The following ASF1A variants were observed in gnomAD, a reference collection of about 807,000 sequenced individuals.
ASF1A encodes the protein anti-silencing function 1A histone chaperone.
A neutral mutation model predicts 22.0 loss-of-function variants in ASF1A; 5 were observed. The observed-to-expected ratio is 0.23, with a 90% CI of 0.12 to 0.48. The LOEUF (loss-of-function observed/expected upper bound fraction) is 0.48, where lower values mean the gene tolerates loss of function less well. Among genes scored for constraint, ASF1A ranks in the 20% least tolerant of loss-of-function variants. The probability of loss-of-function intolerance (pLI) is 0.99; values close to 1 mark genes in which losing one functional copy is unlikely to be tolerated. For missense variants in ASF1A, 137 were observed against 240.6 expected (o/e 0.57, Z 2.85); for synonymous variants, 97 against 86.7 (o/e 1.12, Z -0.66).
At chr6:118,894,594 C>T (rs2114479473) in intron 1 of ASF1A, 72 bp downstream of exon 1, 1 of 1,317,302 alleles carries the variant, frequency 7.6e-7, no homozygotes, top group African/African-American at 1.5e-5. Context: ...CGGGCCGGGC[C>T]TCGCGCTGGG....
chr6:118,900,172 G>C (rs1168314622), intron 1 of ASF1A, among the ~76,000 whole-genome samples: 1 of 152,168 alleles, frequency 6.6e-6, no homozygotes, highest in South Asian at 2.1e-4. Flanking sequence ...ACACAGGGGG[G>C]TGCCGTAAGG....
chr6:118,906,913 C>G (rs559877872), intron 3 of ASF1A, among the ~76,000 whole-genome samples: 1 of 152,252 alleles, frequency 6.6e-6, no homozygotes, highest in East Asian at 1.9e-4. Context: ...AATTTGTTAT[C>G]CCTGAAGCAC....
chr6:118,894,212 A>G lies in ASF1A; in HGVS notation c.-202A>G. 1.4e-6 allele frequency: 2 copies of G among 1,404,670 alleles called. No individual in the cohort carries two copies. The highest frequency in any genetic ancestry group is 1.8e-6 in the Non-Finnish European group (2 of 1,082,218). 87.0% of individuals were successfully genotyped at this position (1,404,670 alleles called of 1,614,324 possible). ...TACTTATCAGAGCAGAATGGGCTGT[A>G]GTTTAGTGAAATAGGAAAGCTGCAA... On this transcript the variant is annotated 5_prime_UTR_variant, in exon 1 of 4. Coordinates refer to ENST00000229595, the MANE Select transcript of ASF1A (RefSeq NM_014034.3).
chr6:118,898,992 T>C lies in ASF1A; in HGVS notation c.110-1774T>C, dbSNP rs565193640. Among the ~76,000 whole-genome samples the C allele has an allele frequency of 5.9e-5, 9 of 152,244 alleles. No individual in the cohort carries two copies. The East Asian group carries it at 1.7e-3, about 29-fold the overall frequency. Reference sequence around the variant, plus strand: ...TGCTTAGAAGCAGACATCTCAAATATGTCTAAAATGAACTCCTGATTGCTC... The same window carrying C: ...TGCTTAGAAGCAGACATCTCAAATACGTCTAAAATGAACTCCTGATTGCTC... On this transcript the variant is annotated intron_variant, in intron 1 of 3. Transcript: ENST00000229595.
intron 2 of ASF1A, among the ~76,000 whole-genome samples, chr6:118,903,140 A>G (rs755463017): frequency 5.6e-4 from 85 of 152,246 alleles, no homozygotes; most frequent in Middle Eastern, 6.8e-3. Flanking sequence ...CCTAGAACCA[A>G]TTTACTGAAG....
rs1007486664 is a variant in ASF1A at position 118,894,349 on chromosome 6, C to A, written c.-65C>A. 1.3e-6 allele frequency: 2 copies of A among 1,532,182 alleles called. No homozygotes were observed. The highest frequency in any genetic ancestry group is 1.7e-6 in the Non-Finnish European group (2 of 1,143,186). 94.9% of individuals were successfully genotyped at this position (1,532,182 alleles called of 1,614,324 possible). A position where few individuals can be genotyped will look rare whatever the true frequency, so the allele number is the denominator to read the frequency against. On this transcript the variant is annotated 5_prime_UTR_variant, in exon 1 of 4. Transcript: ENST00000229595. ...GGGGGTCTGCGCTCTCCCGAGCGGCCGCGCGCTGGACTTTATTGTGCCGCA... is the reference window on the plus strand; with the variant it reads ...GGGGGTCTGCGCTCTCCCGAGCGGCAGCGCGCTGGACTTTATTGTGCCGCA...
chr6:118,907,649 TAAA>T lies in ASF1A; in HGVS notation c.*38_*40del. The T allele has an allele frequency of 6.6e-7, 1 of 1,509,320 alleles. No individual in the cohort carries two copies. The highest frequency in any genetic ancestry group is 9.2e-7 in the Non-Finnish European group (1 of 1,087,310). The allele number at this position is 1,509,320 out of a possible 1,614,324, so 93.5% of individuals were successfully genotyped here. A position where few individuals can be genotyped will look rare whatever the true frequency, so the allele number is the denominator to read the frequency against. On this transcript the variant is annotated 3_prime_UTR_variant, in exon 4 of 4. Transcript: ENST00000229595. ...ATCCCTTTAGTACAAATTAAGCTATTAAAAATACACAGAACTATTTCCCTGAAA... is the reference window on the plus strand; with the variant it reads ...ATCCCTTTAGTACAAATTAAGCTATTAATACACAGAACTATTTCCCTGAAA...
chr6:118,905,577 ACTGAAACTCCAGTCTTGC>A, intron 2 of ASF1A, 57 bp from the exon 3 acceptor site: 2 of 1,235,516 alleles, frequency 1.6e-6, no homozygotes, highest in East Asian at 4.9e-5. Context: ...GTTCTAGGTA[ACTGAAACTCCAGTCTTGC>A]CTGCCACTAA....
chr6:118,905,598 G>GC (rs1314075131), intron 2 of ASF1A, 54 bp from the exon 3 acceptor site: 2 of 1,431,976 alleles, frequency 1.4e-6, no homozygotes, highest in East Asian at 2.4e-5. Flanking sequence ...AGTCTTGCCT[G>GC]CCACTAACAG....
rs746757982 is a variant in ASF1A, at chr6:118,905,667, C to T, written c.241C>T (p.Pro81Ser). 6.2e-7 allele frequency: 1 copy of T among 1,612,098 alleles called. No homozygotes were observed. The highest frequency in any genetic ancestry group is 8.5e-7 in the Non-Finnish European group (1 of 1,178,874). ...TTTATTCTAGGCTGATGCACCTAAT[C>T]CAGGACTCATTCCAGATGCAGATGC... ...MFVFQADAPN[P>S]GLIPDADAVG... Residue 81 changes from proline to serine, a missense_variant, in exon 3 of 4, where the codon CCA becomes TCA. Around this residue, in one of 2 missense-constraint regions of ASF1A, gnomAD observed 96 missense variants for 196.7 expected, o/e 0.49. Coordinates refer to ENST00000229595, the MANE Select transcript of ASF1A (RefSeq NM_014034.3).
At position 118,905,278 on chromosome 6, in the gene ASF1A, A is replaced by G. The variant is rs897094570; in HGVS notation, c.226-374A>G. ...CAACAGTCTATGAGGAGATCATTTA[A>G]TACTTACTAATTTAGGTCTGAAAAT... On this transcript the variant is annotated intron_variant, in intron 2 of 3. Coordinates refer to ENST00000229595, the MANE Select transcript of ASF1A (RefSeq NM_014034.3). Among the ~76,000 whole-genome samples the G allele has an allele frequency of 2.6e-5, 4 of 152,236 alleles. No homozygotes were observed. The East Asian group carries it at 5.8e-4, about 22-fold the overall frequency.
rs117779637 is a variant in ASF1A, at chr6:118,902,448, C to T, written c.225+1567C>T. 7.5e-3 allele frequency among the ~76,000 whole-genome samples: 1,147 copies of T among 151,988 alleles called. 8 individuals are homozygous for T. Among genetic ancestry groups the T allele is most frequent in the South Asian group, 0.029 (138 of 4,796 alleles). ...ATAAAAAAGCAGGACTTGCTCTGACCCACAGGCCTAAGGAACCCATACTTT... is the reference window on the plus strand; with the variant it reads ...ATAAAAAAGCAGGACTTGCTCTGACTCACAGGCCTAAGGAACCCATACTTT... On this transcript the variant is annotated intron_variant, in intron 2 of 3. Transcript: ENST00000229595.
chr6:118,898,112 A>G (rs1392150121), intron 1 of ASF1A, among the ~76,000 whole-genome samples: 1 of 152,216 alleles, frequency 6.6e-6, no homozygotes, highest in Non-Finnish European at 1.5e-5. Context: ...ACAGAGGCAT[A>G]GCTTGGATTC....
rs1224316216 is a variant in ASF1A, at chr6:118,909,066, TTC to T, written c.*1454_*1455del. ...TTCATAGATTTTAAAAGTAAAATAC[TTC>T]TGACTGTTAAAACTATATAAAGAAA... On this transcript the variant is annotated 3_prime_UTR_variant, in exon 4 of 4. Transcript: ENST00000229595. 16 of 152,366 alleles carry T rather than the reference TTC, an allele frequency of 1.1e-4. 1 individual carries two copies. The South Asian group carries it at 2.5e-3, about 24-fold the overall frequency. The allele number at this position is 152,366 out of a possible 1,614,324, so 9.4% of individuals were successfully genotyped here. A position where few individuals can be genotyped will look rare whatever the true frequency, so the allele number is the denominator to read the frequency against.
chr6:118,898,559 G>A (rs996503662), intron 1 of ASF1A, among the ~76,000 whole-genome samples: 2 of 151,882 alleles, frequency 1.3e-5, no homozygotes, highest in African/African-American at 4.8e-5. Flanking sequence ...CGAGTAGCTG[G>A]GACCACAGGC....
In ASF1A at chr6:118,907,732, G is replaced by T; in HGVS notation, c.*118G>T. The T allele has an allele frequency of 1.3e-6, 1 of 749,522 alleles. No homozygotes were observed. Among genetic ancestry groups the T allele is most frequent in the Admixed American group, 3.0e-5 (1 of 33,388 alleles). The allele number at this position is 749,522 out of a possible 1,614,324, so 46.4% of individuals were successfully genotyped here. A position where few individuals can be genotyped will look rare whatever the true frequency, so the allele number is the denominator to read the frequency against. On this transcript the variant is annotated 3_prime_UTR_variant, in exon 4 of 4. Coordinates refer to ENST00000229595, the MANE Select transcript of ASF1A (RefSeq NM_014034.3). ...TGAAGAATTTGTTTAAAAACATCCTGTAGAAAGTTTATAAGAAAACCAGTA... is the reference window on the plus strand; with the variant it reads ...TGAAGAATTTGTTTAAAAACATCCTTTAGAAAGTTTATAAGAAAACCAGTA...
rs1779185736 is a variant in ASF1A at position 118,894,286 on chromosome 6, C to T, written c.-128C>T. 3.4e-6 allele frequency: 5 copies of T among 1,470,792 alleles called. No individual in the cohort carries two copies. The highest frequency in any genetic ancestry group is 1.4e-5 in the African/African-American group (1 of 70,342). 91.1% of individuals were successfully genotyped at this position (1,470,792 alleles called of 1,614,324 possible). A position where few individuals can be genotyped will look rare whatever the true frequency, so the allele number is the denominator to read the frequency against. Reference sequence around the variant, plus strand: ...AAATAAAAAGAGGAAAAAAGTTTCTCAAGTCGCCGCTGCACGACGTCTGGC... The same window carrying T: ...AAATAAAAAGAGGAAAAAAGTTTCTTAAGTCGCCGCTGCACGACGTCTGGC... On this transcript the variant is annotated 5_prime_UTR_variant, in exon 1 of 4. Coordinates refer to ENST00000229595, the MANE Select transcript of ASF1A (RefSeq NM_014034.3).
chr6:118,894,201 G>C lies in ASF1A; in HGVS notation c.-213G>C. ...GGCAACGCTGCTACTTATCAGAGCA[G>C]AATGGGCTGTAGTTTAGTGAAATAG... On this transcript the variant is annotated 5_prime_UTR_variant, in exon 1 of 4. Coordinates refer to ENST00000229595, the MANE Select transcript of ASF1A (RefSeq NM_014034.3). 7.2e-7 allele frequency: 1 copy of C among 1,382,442 alleles called. No individual in the cohort carries two copies. The highest frequency in any genetic ancestry group is 9.3e-7 in the Non-Finnish European group (1 of 1,069,642). 85.6% of individuals were successfully genotyped at this position (1,382,442 alleles called of 1,614,324 possible).
chr6:118,907,705 T>C lies in ASF1A; in HGVS notation c.*91T>C. 2 of 973,614 alleles carry C rather than the reference T, an allele frequency of 2.1e-6. No homozygotes were observed. The highest frequency in any genetic ancestry group is 3.1e-6 in the Non-Finnish European group (2 of 653,350). The allele number at this position is 973,614 out of a possible 1,614,324, so 60.3% of individuals were successfully genotyped here. A position where few individuals can be genotyped will look rare whatever the true frequency, so the allele number is the denominator to read the frequency against. The stretch of plus-strand genomic sequence containing the variant: ...CCGTAAGTACATAGTCAAAACACAA[T>C]GTGAAGAATTTGTTTAAAAACATCC... On this transcript the variant is annotated 3_prime_UTR_variant, in exon 4 of 4. Transcript: ENST00000229595.
Sources: gnomAD v4.1 joint callset for allele counts (sites outside exome capture counted in the v4.1 genomes callset) on GRCh38, gnomAD v4.1.1 for gene constraint, gnomAD v4.1.1 regional missense constraint, MANE v1.5 for transcripts, NCBI Gene and HGNC (gene_info 2026-07-23, HGNC 2026-07-21) for gene names.